Variants in CNTN5 observed in about 807,000 individuals in gnomAD.
CNTN5 encodes the protein contactin 5.
CNTN5 carries 77 observed loss-of-function variants against 129.1 expected under a neutral mutation model. That is an observed-to-expected ratio of 0.60 (90% CI 0.50 to 0.72). The LOEUF (loss-of-function observed/expected upper bound fraction) is 0.72. CNTN5 is among the 30% of genes least tolerant of loss of function. The probability of loss-of-function intolerance (pLI) is 0.00; values close to 1 mark genes in which losing one functional copy is unlikely to be tolerated. For synonymous variants in CNTN5, 509 were observed against 465.6 expected, an observed-to-expected ratio of 1.09 and a Z score of -1.20; for missense variants, 1,478 against 1,328.8, an observed-to-expected ratio of 1.11 and a Z score of -1.75.
Position 99,236,081 on chromosome 11 carries a change from AC to A in CNTN5, c.-209-89264del, listed in dbSNP as rs1861244511. Among the ~76,000 whole-genome samples, 4 of 152,310 alleles carry A rather than the reference AC, an allele frequency of 2.6e-5. No homozygotes were observed. The South Asian group carries it at 8.3e-4, about 32-fold the overall frequency. On this transcript the variant is annotated intron_variant, in intron 1 of 24. Transcript: ENST00000524871. ...TAATCTAAAAACAATAATAATCTAAACAGAAAAAGACTTTGACCTTGGCCAA... is the reference window on the plus strand; with the variant it reads ...TAATCTAAAAACAATAATAATCTAAAAGAAAAAGACTTTGACCTTGGCCAA...
At chr11:100,040,534 T>C (rs1476396960) in intron 9 of CNTN5, among the ~76,000 whole-genome samples, 1 of 152,238 alleles carries the variant, frequency 6.6e-6, no homozygotes, top group Non-Finnish European at 1.5e-5. Context: ...AGGTTACTGC[T>C]GTCTTTTTGT....
At chr11:99,556,554 AATATATATATATAT>A (rs199758207) in intron 3 of CNTN5, among the ~76,000 whole-genome samples, 7,542 of 72,356 alleles carry the variant, frequency 0.1, 659 homozygotes, top group East Asian at 0.44. Flanking sequence ...AAGGCTTGGA[AATATATATATATAT>A]ATATATATAT....
chr11:100,261,821 G>GT (rs1165272122), intron 17 of CNTN5, among the ~76,000 whole-genome samples: 1 of 152,050 alleles, frequency 6.6e-6, no homozygotes, highest in Admixed American at 6.6e-5. Flanking sequence ...AGACTTAAAC[G>GT]TAAGACCTAA....
intron 17 of CNTN5, among the ~76,000 whole-genome samples, chr11:100,267,936 T>C (rs942350208): frequency 1.3e-5 from 2 of 152,204 alleles, no homozygotes; most frequent in East Asian, 3.9e-4. Context: ...CGCAGGTCAC[T>C]GATGCTTTTA....
chr11:99,117,751 A>C lies in CNTN5; in HGVS notation c.-210+96481A>C, dbSNP rs887093219. ...CCTTCTAGAAAGTGTGAGAGAGGCC[A>C]CAGCTTTCTCTTCTTCTGCCATGTG... On this transcript the variant is annotated intron_variant, in intron 1 of 24. Coordinates refer to ENST00000524871, the MANE Select transcript of CNTN5 (RefSeq NM_014361.4). Among the ~76,000 whole-genome samples the C allele has an allele frequency of 2.6e-5, 4 of 152,128 alleles. No homozygotes were observed. In the East Asian group the frequency reaches 7.7e-4, roughly 29 times the overall value.
rs186294030 is a variant in CNTN5 at position 99,376,448 on chromosome 11, G to C, written c.-71+50964G>C. Among the ~76,000 whole-genome samples, 520 of 152,296 alleles carry C rather than the reference G, an allele frequency of 3.4e-3. 4 individuals carry two copies. The highest frequency in any genetic ancestry group is 0.011 in the African/African-American group (478 of 41,568). On this transcript the variant is annotated intron_variant, in intron 2 of 24. Transcript: ENST00000524871. The stretch of plus-strand genomic sequence containing the variant: ...ATTCTCTTGGTAGTGGGAGGTAAAA[G>C]TGTTTAAAACTGAACATTGAAGTTC...
In CNTN5 at chr11:100,356,214, C is replaced by G. The variant is rs200840532; in HGVS notation, c.3297C>G (p.Ser1099=). The G allele has an allele frequency of 2.9e-5, 47 of 1,599,960 alleles. No individual in the cohort carries two copies. The highest frequency in any genetic ancestry group is 3.8e-5 in the Non-Finnish European group (45 of 1,170,134). The part of the protein sequence containing the change: ...LLLALMIPST[S]W ...TGGCATTGATGATTCCTTCAACTTC[C>G]TGGTGAAAACTGCTGACTTAATTTG... Residue 1099 remains serine (S), a synonymous_variant, in exon 25 of 25, where the codon TCC becomes TCG. Coordinates refer to ENST00000524871, the MANE Select transcript of CNTN5 (RefSeq NM_014361.4).
chr11:99,270,649 A>C (rs1863129040), intron 1 of CNTN5, among the ~76,000 whole-genome samples: 1 of 151,972 alleles, frequency 6.6e-6, no homozygotes, highest in South Asian at 2.1e-4. Context: ...TATTAATAAA[A>C]TTTTGTGAGT....
intron 2 of CNTN5, among the ~76,000 whole-genome samples, chr11:99,526,116 T>C (rs1465228213): frequency 6.6e-6 from 1 of 152,236 alleles, no homozygotes; most frequent in Non-Finnish European, 1.5e-5. Flanking sequence ...TGTAAGGCTA[T>C]ATTAAAACTT....
In CNTN5 at chr11:100,224,837, G is replaced by A. The variant is rs767568017; in HGVS notation, c.2005+25G>A. The A allele has an allele frequency of 8.7e-6, 14 of 1,610,012 alleles. No individual in the cohort carries two copies. The East Asian group carries it at 2.9e-4, about 33-fold the overall frequency. On this transcript the variant is annotated intron_variant, in intron 16 of 24. Transcript: ENST00000524871. ...GGTGAGTATGCTAATAGTGCAGTCT[G>A]AAGACATGATCACCATAAATTATCA...
intron 3 of CNTN5, among the ~76,000 whole-genome samples, chr11:99,615,031 AC>A (rs1030396599): frequency 5.4e-5 from 8 of 148,750 alleles, no homozygotes; most frequent in Non-Finnish European, 7.4e-5. Context: ...TATTATATAT[AC>A]CTATTATATA....
chr11:99,994,197 T>G (rs1939302644), intron 8 of CNTN5, among the ~76,000 whole-genome samples: 1 of 152,088 alleles, frequency 6.6e-6, no homozygotes, highest in African/African-American at 2.4e-5. Context: ...AATTTATAAA[T>G]GTAATCTGGA....
At chr11:99,053,706 G>A (rs1864518150) in intron 1 of CNTN5, among the ~76,000 whole-genome samples, 1 of 151,970 alleles carries the variant, frequency 6.6e-6, no homozygotes, top group Middle Eastern at 3.2e-3. Context: ...AGAAAGAGGA[G>A]CAAGGGCAGC....
intron 2 of CNTN5, among the ~76,000 whole-genome samples, chr11:99,530,981 A>T (rs975385972): frequency 6.6e-5 from 10 of 152,366 alleles, no homozygotes; most frequent in African/African-American, 2.4e-4. Context: ...TGCTGAAAAG[A>T]TACCCGAAAC....
chr11:99,425,917 A>G (rs955468163), intron 2 of CNTN5, among the ~76,000 whole-genome samples: 5 of 152,236 alleles, frequency 3.3e-5, no homozygotes, highest in African/African-American at 1.2e-4. Flanking sequence ...TGCTGCCATC[A>G]CAACCATGGT....
rs541739617 is a variant in CNTN5, at chr11:99,666,397, CTG to C, written c.55+110130_55+110131del. On this transcript the variant is annotated intron_variant, in intron 3 of 24. Transcript: ENST00000524871. ...TTTTAGCTGGAGAGTAGGCTGGAGA[CTG>C]TTAGAAATGAGCAAAGAGACTTTCT... Among the ~76,000 whole-genome samples the C allele has an allele frequency of 1.8e-3, 281 of 152,244 alleles. 3 individuals are homozygous for C. The highest frequency in any genetic ancestry group is 3.5e-4 in the Non-Finnish European group (24 of 68,016).
At chr11:99,903,677 G>T (rs1205980118) in intron 6 of CNTN5, among the ~76,000 whole-genome samples, 2 of 151,972 alleles carry the variant, frequency 1.3e-5, no homozygotes, top group African/African-American at 4.8e-5. Flanking sequence ...CATCACCCTT[G>T]GTCAGAGGAA....
At chr11:99,878,623 C>G (rs1317763257) in intron 6 of CNTN5, among the ~76,000 whole-genome samples, 1 of 152,088 alleles carries the variant, frequency 6.6e-6, no homozygotes, top group African/African-American at 2.4e-5. Flanking sequence ...TTTCAGAGGC[C>G]CAGGCAGGCG....
At chr11:99,506,525 G>T (rs1399889557) in intron 2 of CNTN5, among the ~76,000 whole-genome samples, 2 of 151,972 alleles carry the variant, frequency 1.3e-5, no homozygotes, top group Admixed American at 6.6e-5. Context: ...TTAGGTAGAC[G>T]ATTTGCGCCT....
Sources: allele counts gnomAD v4.1 joint callset (sites outside exome capture counted in the v4.1 genomes callset), GRCh38; gene constraint gnomAD v4.1.1; transcripts MANE v1.5; gene names NCBI Gene and HGNC (gene_info 2026-07-23, HGNC 2026-07-21).